The following DNAH11 variants were observed in gnomAD, a reference collection of about 807,000 sequenced individuals.
DNAH11 encodes the protein axonemal beta dynein heavy chain 11.
A neutral mutation model predicts 526.0 loss-of-function variants in DNAH11; 442 were observed. The ratio of observed to expected loss-of-function variants is 0.84; its 90% CI spans 0.78 to 0.91. DNAH11 has a LOEUF of 0.91. Ranked by LOEUF, DNAH11 falls within the 40% of genes least tolerant of loss-of-function variation. DNAH11 has a pLI of 0.00. For missense variants in DNAH11, 6,989 were observed against 5,448.7 expected (o/e 1.28, Z -8.90); for synonymous variants, 2,461 against 1,935.9 (o/e 1.27, Z -7.12).
chr7:21,774,504 C>G (rs897420440), intron 56 of DNAH11, among the ~76,000 whole-genome samples: 3 of 152,154 alleles, frequency 2.0e-5, no homozygotes, highest in Non-Finnish European at 2.9e-5. Context: ...CCTCGAAGGG[C>G]GATGCCTCTA....
chr7:21,559,498 A>G, intron 3 of DNAH11, 105 bp from the exon 4 acceptor site: 5 of 946,890 alleles, frequency 5.3e-6, no homozygotes, highest in Non-Finnish European at 7.8e-6. Flanking sequence ...TCAAGAATTT[A>G]TTTTTAGGAA....
chr7:21,839,669 A>G (rs914731980), intron 65 of DNAH11, among the ~76,000 whole-genome samples: 9 of 152,228 alleles, frequency 5.9e-5, no homozygotes, highest in Non-Finnish European at 1.0e-4. Flanking sequence ...CCTCTTGGAA[A>G]ACAATTAAAT....
rs760954142 is a variant in DNAH11, at chr7:21,591,450, G to T, written c.2540G>T (p.Cys847Phe). The change falls in exon 14 of 82, where the codon TGC (cysteine) becomes TTC (phenylalanine). Residue 847 changes from cysteine to phenylalanine, a missense_variant. Transcript: ENST00000409508. Reference sequence around the variant, plus strand: ...CAGACCATGAGGGGCTGGGCCAGGTGCGTGCTACCTCCCAGGAGAGAGCAC... The same window carrying T: ...CAGACCATGAGGGGCTGGGCCAGGTTCGTGCTACCTCCCAGGAGAGAGCAC... ...IQQTMRGWARCVLPPRREHRR... is the reference protein window; with the variant it reads ...IQQTMRGWARFVLPPRREHRR... 6.2e-6 allele frequency: 10 copies of T among 1,613,852 alleles called. No individual in the cohort carries two copies. The highest frequency in any genetic ancestry group is 3.3e-4 in the Middle Eastern group (2 of 6,084).
At chr7:21,885,235 G>A (rs1442441483) in intron 76 of DNAH11, among the ~76,000 whole-genome samples, 1 of 142,664 alleles carries the variant, frequency 7.0e-6, no homozygotes, top group Non-Finnish European at 1.5e-5. Flanking sequence ...ACATATCATG[G>A]TAATATAGAA....
intron 36 of DNAH11, among the ~76,000 whole-genome samples, 158 bp from the exon 37 acceptor site, chr7:21,702,552 T>C (rs1784109129): frequency 6.6e-6 from 1 of 151,814 alleles, no homozygotes; most frequent in African/African-American, 2.4e-5. Flanking sequence ...AGGGACATGA[T>C]TTTCACAGTT....
chr7:21,741,822 A>G (rs1286659781), intron 48 of DNAH11, 105 bp from the exon 49 acceptor site: 1 of 1,308,006 alleles, frequency 7.6e-7, no homozygotes, highest in Non-Finnish European at 1.0e-6. Context: ...AAAAAGCTAC[A>G]TGGTAATGGG....
intron 65 of DNAH11, among the ~76,000 whole-genome samples, chr7:21,821,405 ACT>A (rs2128002320): frequency 6.6e-6 from 1 of 152,064 alleles, no homozygotes; most frequent in South Asian, 2.1e-4. Flanking sequence ...ATCTAGGGAG[ACT>A]CTGTACAGCC....
chr7:21,598,375 G>A (rs372915848), intron 14 of DNAH11, among the ~76,000 whole-genome samples: 8 of 152,120 alleles, frequency 5.3e-5, no homozygotes, highest in African/African-American at 1.9e-4. Flanking sequence ...CACACTGCGT[G>A]CTCAACCTGT....
chr7:21,750,567 G>A (rs532079964), intron 54 of DNAH11, among the ~76,000 whole-genome samples: 2 of 152,306 alleles, frequency 1.3e-5, no homozygotes, highest in East Asian at 3.9e-4. Flanking sequence ...GCTGAGCGGT[G>A]TGTGCAGTCC....
Position 21,616,247 on chromosome 7 carries a change from G to C in DNAH11, c.4050G>C (p.Gln1350His). Residue 1350 changes from glutamine to histidine, a missense_variant, in exon 22 of 82, where the codon CAG (glutamine) becomes CAC (histidine). By Grantham distance (24) the Gln-to-His change is conservative. Transcript: ENST00000409508. ...IDNWTKTQWR[Q>H]IHVEQMDVEL... is the part of the protein sequence containing the mutation. ...ATTGGACTAAAACCCAGTGGAGACA[G>C]ATTCATGTGGAACAGATGGATGTAG... The C allele has an allele frequency of 6.2e-7, 1 of 1,613,628 alleles. No homozygotes were observed. The highest frequency in any genetic ancestry group is 8.5e-7 in the Non-Finnish European group (1 of 1,179,706).
Position 21,867,958 on chromosome 7 carries a change from C to T in DNAH11, c.11790C>T (p.Phe3930=). Residue 3930 remains phenylalanine (F), a synonymous_variant, in exon 72 of 82, where the codon TTC becomes TTT. Transcript: ENST00000409508. Reference sequence around the variant, plus strand: ...AAAGCAGCCCAGCCACCCCCATATTCTTCATCCTGTCTCCGGGGGTAGATG... The same window carrying T: ...AAAGCAGCCCAGCCACCCCCATATTTTTCATCCTGTCTCCGGGGGTAGATG... ...FEESSPATPI[F]FILSPGVDAL... is the part of the protein sequence containing the mutation. The T allele has an allele frequency of 1.3e-6, 2 of 1,567,252 alleles. No individual in the cohort carries two copies. The highest frequency in any genetic ancestry group is 1.2e-5 in the South Asian group (1 of 84,904).
intron 63 of DNAH11, among the ~76,000 whole-genome samples, chr7:21,812,541 G>A (rs890340810): frequency 1.3e-5 from 2 of 152,078 alleles, no homozygotes; most frequent in African/African-American, 4.8e-5. Flanking sequence ...GCCAGGTGTG[G>A]TGGCAAAGAG....
At position 21,866,613 on chromosome 7, in the gene DNAH11, G is replaced by C. The variant is rs768716463; in HGVS notation, c.11640G>C (p.Lys3880Asn). 9 of 1,613,872 alleles carry C rather than the reference G, an allele frequency of 5.6e-6. No homozygotes were observed. The highest frequency in any genetic ancestry group is 1.6e-4 in the Middle Eastern group (1 of 6,062). Residue 3880 changes from lysine to asparagine, a missense_variant, in exon 71 of 82, where the codon AAG becomes AAC. Physicochemically the swap from Lys to Asn is moderately conservative, Grantham distance 94. Coordinates refer to ENST00000409508, the MANE Select transcript of DNAH11 (RefSeq NM_001277115.2). ...QEWKKKSLIQKLILLRAMRPD... is the reference protein window; with the variant it reads ...QEWKKKSLIQNLILLRAMRPD... ...GGAAGAAGAAAAGTTTAATACAGAA[G>C]CTGATTCTTCTGAGAGCAATGCGCC...
chr7:21,625,161 T>C (rs78490803), intron 25 of DNAH11, among the ~76,000 whole-genome samples: 3,693 of 152,160 alleles, frequency 0.024, 151 homozygotes, highest in African/African-American at 0.084. Flanking sequence ...AGCCCTCCTG[T>C]CCTAGGCCTT....
At chr7:21,614,254 G>C (rs775201847) in intron 20 of DNAH11, among the ~76,000 whole-genome samples, 3 of 152,156 alleles carry the variant, frequency 2.0e-5, no homozygotes, top group Non-Finnish European at 4.4e-5. Context: ...AAAATAGAAA[G>C]TGGAAAAACA....
intron 30 of DNAH11, among the ~76,000 whole-genome samples, chr7:21,670,541 G>A (rs1293307726): frequency 3.3e-5 from 5 of 151,636 alleles, no homozygotes; most frequent in Non-Finnish European, 2.9e-5. Context: ...CTTTTTTTGA[G>A]CTATTGAATT....
intron 61 of DNAH11, among the ~76,000 whole-genome samples, chr7:21,800,698 C>G (rs1562554095): frequency 6.6e-6 from 1 of 152,176 alleles, no homozygotes. Flanking sequence ...TAACACCCCT[C>G]TTCACTGCCT....
At chr7:21,703,915 C>G (rs1036035693) in intron 37 of DNAH11, 3 of 151,758 alleles carry the variant, frequency 2.0e-5, no homozygotes, top group Admixed American at 6.6e-5. Context: ...TTTATTTTTT[C>G]TCTTGCTTTT....
intron 2 of DNAH11, among the ~76,000 whole-genome samples, chr7:21,555,202 T>G (rs942161507): frequency 2.6e-5 from 4 of 152,172 alleles, no homozygotes; most frequent in Non-Finnish European, 1.5e-5. Flanking sequence ...TACACCCAAT[T>G]TTTATCTGAG....
Sources: gnomAD v4.1 joint callset for allele counts (sites outside exome capture counted in the v4.1 genomes callset) on GRCh38, gnomAD v4.1.1 for gene constraint, MANE v1.5 for transcripts, NCBI Gene and HGNC (gene_info 2026-07-23, HGNC 2026-07-21) for gene names.